The following OAS3 variants were observed in gnomAD, a reference collection of about 807,000 sequenced individuals.
OAS3 encodes the protein 2'-5'-oligoadenylate synthase 3.
Under a neutral mutation model 113.0 loss-of-function variants are expected in OAS3, and 107 were observed. The observed-to-expected ratio is 0.95, with a 90% CI of 0.81 to 1.11. The LOEUF (loss-of-function observed/expected upper bound fraction) is 1.11. Among genes scored for constraint, OAS3 ranks in the 50% most tolerant of loss-of-function variants. The pLI is 0.00. For missense variants in OAS3, 1,258 were observed against 1,389.1 expected, an observed-to-expected ratio of 0.91 and a Z score of 1.50; for synonymous variants, 552 against 573.6, an observed-to-expected ratio of 0.96 and a Z score of 0.54.
intron 7 of OAS3, among the ~76,000 whole-genome samples, chr12:112,952,012 A>G (rs1447636825): frequency 6.6e-6 from 1 of 152,142 alleles, no homozygotes; most frequent in Non-Finnish European, 1.5e-5. Flanking sequence ...ACTCTATCTC[A>G]TGCTTTCCAT....
In OAS3 at chr12:112,950,949, G is replaced by A; in HGVS notation, c.1631G>A (p.Ser544Asn). The A allele has an allele frequency of 6.2e-7, 1 of 1,613,520 alleles. No homozygotes were observed. Among genetic ancestry groups the A allele is most frequent in the Non-Finnish European group, 8.5e-7 (1 of 1,179,566 alleles). Residue 544 changes from serine to asparagine, a missense_variant, in exon 7 of 16, where the codon AGC becomes AAC. Coordinates refer to ENST00000228928, the MANE Select transcript of OAS3 (RefSeq NM_006187.4). The stretch of plus-strand genomic sequence containing the variant: ...GCCCTGAAGAGCTGGACGGATGTTA[G>A]CCTGCTGCCTGCCTTCGATGCTGTG... ...STALKSWTDV[S>N]LLPAFDAVGQ...
In OAS3 at chr12:112,968,130, C is replaced by T. The variant is rs1226691820; in HGVS notation, c.3060C>T (p.Asp1020=). Reference sequence around the variant, plus strand: ...GGACCATCAACTACAACGCCAAGGACAAGACTGTTGGAGACTTCCTGAAAC... The same window carrying T: ...GGACCATCAACTACAACGCCAAGGATAAGACTGTTGGAGACTTCCTGAAAC... The part of the protein sequence containing the change: ...IYWTINYNAK[D]KTVGDFLKQQ... Residue 1020 remains aspartate (D), a synonymous_variant, in exon 14 of 16, where the codon GAC becomes GAT. Coordinates refer to ENST00000228928, the MANE Select transcript of OAS3 (RefSeq NM_006187.4). The T allele has an allele frequency of 6.2e-7, 1 of 1,613,834 alleles. No individual in the cohort carries two copies. Among genetic ancestry groups the T allele is most frequent in the East Asian group, 2.2e-5 (1 of 44,880 alleles).
chr12:112,961,513 C>A (rs2043885549), intron 8 of OAS3, among the ~76,000 whole-genome samples: 1 of 152,194 alleles, frequency 6.6e-6, no homozygotes, highest in Non-Finnish European at 1.5e-5. Context: ...TTTGACACTG[C>A]AAATGTTTTC....
intron 2 of OAS3, among the ~76,000 whole-genome samples, chr12:112,944,166 T>C (rs978276653): frequency 6.6e-6 from 1 of 152,210 alleles, no homozygotes; most frequent in Non-Finnish European, 1.5e-5. Flanking sequence ...CTGACTCAGC[T>C]GGAAGCAACT....
In OAS3 at chr12:112,961,201, C is replaced by G. The variant is rs2043881248; in HGVS notation, c.1788C>G (p.Val596=). ...LRRNFMNIRP[V]KLKNLILLVK... is the part of the protein sequence containing the mutation. ...GGAACTTCATGAACATTCGCCCTGT[C>G]AAGCTGAAGAACCTGATTCTGCTGG... The change falls in exon 8 of 16, where the codon GTC becomes GTG. Residue 596 remains valine (V), a synonymous_variant. Coordinates refer to ENST00000228928, the MANE Select transcript of OAS3 (RefSeq NM_006187.4). 1 of 1,613,936 alleles carries G rather than the reference C, an allele frequency of 6.2e-7. No homozygotes were observed. Among genetic ancestry groups the G allele is most frequent in the Admixed American group, 1.7e-5 (1 of 60,010 alleles).
At position 112,938,539 on chromosome 12, in the gene OAS3, G is replaced by T; in HGVS notation, c.9G>T (p.Leu3Phe). The T allele has an allele frequency of 6.2e-7, 1 of 1,606,788 alleles. No homozygotes were observed. MD[L>F]YSTPAAALDR... is the part of the protein sequence containing the mutation. ...ACCTGCGCCGGGCGGCCATGGACTT[G>T]TACAGCACCCCGGCCGCTGCGCTGG... Residue 3 changes from leucine (L) to phenylalanine (F), a missense_variant, in exon 1 of 16, where the codon TTG (leucine) becomes TTT (phenylalanine). Leu to Phe is a conservative substitution (Grantham distance 22). Transcript: ENST00000228928.
chr12:112,947,028 G>C, intron 4 of OAS3, 47 bp downstream of exon 4: 1 of 1,517,966 alleles, frequency 6.6e-7, no homozygotes, highest in Non-Finnish European at 9.1e-7. Flanking sequence ...CGGGGCCAGG[G>C]GGAGATAATT....
chr12:112,968,193 T>C lies in OAS3; in HGVS notation c.3104+19T>C. The C allele has an allele frequency of 1.9e-6, 3 of 1,597,622 alleles. No homozygotes were observed. Among genetic ancestry groups the C allele is most frequent in the Non-Finnish European group, 2.6e-6 (3 of 1,169,550 alleles). ...AGCCCAGGTTCAGGTCTACCCCCAA[T>C]GTTCCAGAATTTCAAACCTGGGATC... On this transcript the variant is annotated intron_variant, in intron 14 of 15. Coordinates refer to ENST00000228928, the MANE Select transcript of OAS3 (RefSeq NM_006187.4).
Position 112,968,031 on chromosome 12 carries a change from C to T in OAS3, c.2961C>T (p.Ser987=). The T allele has an allele frequency of 6.2e-7, 1 of 1,614,016 alleles. No individual in the cohort carries two copies. The highest frequency in any genetic ancestry group is 8.5e-7 in the Non-Finnish European group (1 of 1,179,890). ...CCTGGGAGCAGGGCGGGAAGGACTC[C>T]CAGTTCAACATGGCTGAGGGCTTCC... ...VYAWEQGGKD[S]QFNMAEGFRT... Residue 987 remains serine (S), a synonymous_variant, in exon 14 of 16, where the codon TCC becomes TCT. Coordinates refer to ENST00000228928, the MANE Select transcript of OAS3 (RefSeq NM_006187.4).
Position 112,963,462 on chromosome 12 carries a change from G to A in OAS3, c.2229+5G>A, listed in dbSNP as rs1329443059. The A allele has an allele frequency of 6.5e-7, 1 of 1,537,300 alleles. No homozygotes were observed. The highest frequency in any genetic ancestry group is 2.5e-5 in the East Asian group (1 of 40,376). Reference sequence around the variant, plus strand: ...GTGCAGCCCTGGGATGTGATGGTAAGATGGAGGGTCCTGGGGGGCAGGGGG... The same window carrying A: ...GTGCAGCCCTGGGATGTGATGGTAAAATGGAGGGTCCTGGGGGGCAGGGGG... On this transcript the variant is annotated splice_donor_5th_base_variant and intron_variant, in intron 10 of 15. Transcript: ENST00000228928. This position sits in a 1 kb window ranked among gnomAD's most constrained non-coding sequence, Gnocchi z 4.6.
At chr12:112,950,648 A>G (rs1222033289) in intron 6 of OAS3, 45 bp from the exon 7 acceptor site, 3 of 1,596,520 alleles carry the variant, frequency 1.9e-6, no homozygotes, top group Admixed American at 1.7e-5. Flanking sequence ...TCCGACTCCC[A>G]GGCTCCTAGA....
chr12:112,950,670 C>G (rs2043780849), intron 6 of OAS3, 23 bp from the exon 7 acceptor site: 1 of 1,612,454 alleles, frequency 6.2e-7, no homozygotes, highest in East Asian at 2.2e-5. Context: ...GGTCCCTGAT[C>G]TGAGCTGTTC....
rs1295870253 is a variant in OAS3 at position 112,967,573 on chromosome 12, G to A, written c.2845G>A (p.Val949Met). 6.2e-7 allele frequency: 1 copy of A among 1,613,674 alleles called. No individual in the cohort carries two copies. Among genetic ancestry groups the A allele is most frequent in the South Asian group, 1.1e-5 (1 of 90,950 alleles). Residue 949 changes from valine (V) to methionine (M), a missense_variant, in exon 13 of 16, where the codon GTG becomes ATG. Transcript: ENST00000228928. The part of the protein sequence containing the change: ...PTKLKSLIRL[V>M]KHWYQQCTKI... Reference sequence around the variant, plus strand: ...CAAGCTGAAGAGCCTGATCCGGCTGGTGAAGCACTGGTACCAGCAGGTTCG... The same window carrying A: ...CAAGCTGAAGAGCCTGATCCGGCTGATGAAGCACTGGTACCAGCAGGTTCG...
chr12:112,959,079 C>T (rs1036307835), intron 7 of OAS3, among the ~76,000 whole-genome samples: 9 of 152,344 alleles, frequency 5.9e-5, no homozygotes, highest in African/African-American at 1.9e-4. Flanking sequence ...TTCTGCCTTG[C>T]AGTTCAATCT....
At position 112,948,979 on chromosome 12, in the gene OAS3, C is replaced by G. The variant is rs1478891631; in HGVS notation, c.1148C>G (p.Pro383Arg). Residue 383 changes from proline (P) to arginine (R), a missense_variant, in exon 6 of 16, where the codon CCT (proline) becomes CGT (arginine). Pro to Arg is a moderately radical substitution (Grantham distance 103). Transcript: ENST00000228928. ...GTGTACCCAAGAGCAGGGAGCAAACCTCCCTCATGCCCAGCTCCTGGCCCC... is the reference window on the plus strand; with the variant it reads ...GTGTACCCAAGAGCAGGGAGCAAACGTCCCTCATGCCCAGCTCCTGGCCCC... Reference protein sequence around the residue: ...NAVYPRAGSKPPSCPAPGPTG... With the variant: ...NAVYPRAGSKRPSCPAPGPTG... The G allele has an allele frequency of 6.2e-7, 1 of 1,614,000 alleles. No homozygotes were observed. Among genetic ancestry groups the G allele is most frequent in the Non-Finnish European group, 8.5e-7 (1 of 1,179,886 alleles).
At chr12:112,968,250 C>A in intron 14 of OAS3, 76 bp downstream of exon 14, 1 of 1,495,190 alleles carries the variant, frequency 6.7e-7, no homozygotes, top group South Asian at 1.4e-5. Flanking sequence ...GATTGCAGAG[C>A]AGAGATGGGA....
chr12:112,962,711 C>T lies in OAS3; in HGVS notation c.1893C>T (p.Ala631=), dbSNP rs769172444. The change falls in exon 9 of 16, where the codon GCC becomes GCT. Residue 631 remains alanine, a synonymous_variant. Transcript: ENST00000228928. ...CTGCCTCTCTGCCCCCAGCCTATGC[C>T]CTGGAGCTCCTCACCATCTTTGCCT... ...PAPASLPPAY[A]LELLTIFAWE... The T allele has an allele frequency of 2.5e-6, 4 of 1,613,996 alleles. No homozygotes were observed. The highest frequency in any genetic ancestry group is 3.4e-6 in the Non-Finnish European group (4 of 1,179,896).
At chr12:112,943,948 C>T (rs906996800) in intron 2 of OAS3, among the ~76,000 whole-genome samples, 4 of 152,160 alleles carry the variant, frequency 2.6e-5, no homozygotes, top group Non-Finnish European at 5.9e-5. Context: ...CCACCTTGGC[C>T]TCCCAAAGTG....
intron 6 of OAS3, 39 bp downstream of exon 6, chr12:112,949,244 G>A (rs374351403): frequency 1.2e-5 from 19 of 1,563,906 alleles, no homozygotes; most frequent in African/African-American, 1.2e-4. Flanking sequence ...GGACCCTATC[G>A]AGGGATCAGC....
Sources: allele counts gnomAD v4.1 joint callset (sites outside exome capture counted in the v4.1 genomes callset), GRCh38; gene constraint gnomAD v4.1.1; non-coding constraint Gnocchi (gnomAD v3.1); transcripts MANE v1.5; gene names NCBI Gene and HGNC (gene_info 2026-07-23, HGNC 2026-07-21).